Variants in FAM228B observed in about 807,000 individuals in gnomAD.
The protein encoded by FAM228B is protein FAM228B.
Under a neutral mutation model 42.6 loss-of-function variants are expected in FAM228B, and 38 were observed. The ratio of observed to expected loss-of-function variants is 0.89; its 90% CI spans 0.69 to 1.17. FAM228B has a LOEUF of 1.17. FAM228B is among the 50% of genes most tolerant of loss of function. FAM228B has a pLI of 0.00. For missense variants in FAM228B, 344 were observed against 367.3 expected, an observed-to-expected ratio of 0.94 and a Z score of 0.52; for synonymous variants, 109 against 122.3, an observed-to-expected ratio of 0.89 and a Z score of 0.72.
chr2:24,078,949 A>T (rs1033943635), intron 1 of FAM228B: 1 of 157,462 alleles, frequency 6.4e-6, no homozygotes, highest in African/African-American at 2.4e-5. Flanking sequence ...CACAGGTGCA[A>T]TCATAGCTCA....
chr2:24,106,863 A>G (rs745612083), intron 3 of FAM228B, among the ~76,000 whole-genome samples: 2 of 135,370 alleles, frequency 1.5e-5, no homozygotes, highest in African/African-American at 2.8e-5. Context: ...CTATAAATCA[A>G]CCACACTAAC....
At chr2:24,142,872 C>G (rs1666789310) in intron 5 of FAM228B, 1 of 152,166 alleles carries the variant, frequency 6.6e-6, no homozygotes, top group African/African-American at 2.4e-5. Context: ...GAATGTGATT[C>G]TTTGATATTC....
At chr2:24,161,699 G>A (rs553516659) in intron 8 of FAM228B, 86 bp downstream of exon 8, 76 of 851,674 alleles carry the variant, frequency 8.9e-5, no homozygotes, top group Non-Finnish European at 1.0e-4. Flanking sequence ...TCATGTTGCT[G>A]AGACGGTGCT....
chr2:24,090,019 A>G (rs1445717301), intron 2 of FAM228B, among the ~76,000 whole-genome samples: 1 of 151,274 alleles, frequency 6.6e-6, no homozygotes, highest in East Asian at 1.9e-4. Flanking sequence ...CACGCCTGTA[A>G]TCCCAGCACT....
At position 24,084,670 on chromosome 2, in the gene FAM228B, C is replaced by A. The variant is rs1488149068; in HGVS notation, c.-210+3715C>A. The A allele has an allele frequency of 4.7e-6, 1 of 213,484 alleles. No individual in the cohort carries two copies. Among genetic ancestry groups the A allele is most frequent in the Non-Finnish European group, 9.2e-6 (1 of 108,304 alleles). The allele number at this position is 213,484 out of a possible 1,614,324, so 13.2% of individuals were successfully genotyped here. A position where few individuals can be genotyped will look rare whatever the true frequency, so the allele number is the denominator to read the frequency against. Reference sequence around the variant, plus strand: ...CGAAGAGGATCAGGCAAATCACACTCCCTCTGAGTTGGAAGCCCCCAGCCC... The same window carrying A: ...CGAAGAGGATCAGGCAAATCACACTACCTCTGAGTTGGAAGCCCCCAGCCC... On this transcript the variant is annotated intron_variant, in intron 2 of 10. Coordinates refer to the FAM228B transcript ENST00000613899. This position sits in a 1 kb window ranked among gnomAD's most constrained non-coding sequence, Gnocchi z 8.4.
chr2:24,089,410 A>G lies in FAM228B; in HGVS notation c.-209-5731A>G, dbSNP rs374977129. Among the ~76,000 whole-genome samples the G allele has an allele frequency of 5.9e-5, 9 of 152,308 alleles. No individual in the cohort carries two copies. The East Asian group carries it at 1.5e-3, about 26-fold the overall frequency. ...TATGTGAAATTCTACAGCAACAAGT[A>G]GTAAAATCTAGAAAAAAAAAGGAAG... On this transcript the variant is annotated intron_variant, in intron 2 of 10. Coordinates refer to the FAM228B transcript ENST00000613899.
chr2:24,127,755 C>T (rs559203879), intron 2 of FAM228B, among the ~76,000 whole-genome samples: 73 of 152,084 alleles, frequency 4.8e-4, no homozygotes, highest in African/African-American at 1.6e-3. Context: ...CTCCGCCTCC[C>T]GGGTTCAAGC....
Position 24,089,306 on chromosome 2 carries a change from C to T in FAM228B, c.-209-5835C>T, listed in dbSNP as rs547321907. On this transcript the variant is annotated intron_variant, in intron 2 of 10. Coordinates refer to the FAM228B transcript ENST00000613899. Reference sequence around the variant, plus strand: ...GTTACAGCTGGGAAACAAGAAATAGCCAAGGTCTGAAAGACTGGGAATGAG... The same window carrying T: ...GTTACAGCTGGGAAACAAGAAATAGTCAAGGTCTGAAAGACTGGGAATGAG... Among the ~76,000 whole-genome samples the T allele has an allele frequency of 2.6e-5, 4 of 152,074 alleles. No individual in the cohort carries two copies. The East Asian group carries it at 7.7e-4, about 29-fold the overall frequency.
chr2:24,083,634 CTGATG>C (rs1277947657), intron 2 of FAM228B, among the ~76,000 whole-genome samples: 1 of 152,188 alleles, frequency 6.6e-6, no homozygotes, highest in African/African-American at 2.4e-5. Flanking sequence ...CCGGGGGATT[CTGATG>C]CACATTTCTG....
chr2:24,124,507 G>T, intron 2 of FAM228B, 47 bp downstream of exon 2: 1 of 1,225,348 alleles, frequency 8.2e-7, no homozygotes, highest in South Asian at 1.4e-5. Flanking sequence ...TACTTGGATC[G>T]TTGCAGTAGG....
chr2:24,136,847 G>A (rs972041424), intron 3 of FAM228B, among the ~76,000 whole-genome samples: 5 of 152,258 alleles, frequency 3.3e-5, no homozygotes, highest in African/African-American at 1.2e-4. Context: ...ATAATGTTGT[G>A]CAACCATCAC....
In FAM228B at chr2:24,124,369, A is replaced by G. The variant is rs1666246486; in HGVS notation, c.8A>G (p.Asn3Ser). The change falls in exon 2 of 11, where the codon AAT becomes AGT. Residue 3 changes from asparagine to serine, a missense_variant. Transcript: ENST00000615575. MK[N>S]VDSDDLVTGT... ...TTGTTATTTGTGACCACAATGAAAA[A>G]TGTAGACAGTGATGATCTGGTAACT... is the stretch of plus-strand genomic sequence containing the variant. 3.2e-6 allele frequency: 5 copies of G among 1,548,358 alleles called. No individual in the cohort carries two copies. The highest frequency in any genetic ancestry group is 4.4e-6 in the Non-Finnish European group (5 of 1,145,666).
intron 3 of FAM228B, among the ~76,000 whole-genome samples, chr2:24,100,348 A>G (rs1391026762): frequency 6.6e-6 from 1 of 152,254 alleles, no homozygotes; most frequent in Non-Finnish European, 1.5e-5. Context: ...AGAATGGGAG[A>G]AAATTTTTGC....
chr2:24,126,608 A>G (rs925951589), intron 2 of FAM228B, among the ~76,000 whole-genome samples: 2 of 146,474 alleles, frequency 1.4e-5, no homozygotes, highest in Non-Finnish European at 3.0e-5. Flanking sequence ...CATAAGATTC[A>G]CTACTTTTTT....
At chr2:24,079,298 G>T in intron 1 of FAM228B, 1 of 774,044 alleles carries the variant, frequency 1.3e-6, no homozygotes. Flanking sequence ...TCTGAAATCG[G>T]GTTCCCTCTT....
chr2:24,164,090 C>T (rs1299415593), intron 8 of FAM228B, 108 bp from the exon 9 acceptor site: 7 of 1,021,232 alleles, frequency 6.9e-6, no homozygotes, highest in Non-Finnish European at 9.5e-6. Flanking sequence ...CATAAAAATA[C>T]ACAAATTCAC....
intron 2 of FAM228B, among the ~76,000 whole-genome samples, chr2:24,081,882 A>AG (rs1665021331): frequency 6.6e-6 from 1 of 151,966 alleles, no homozygotes; most frequent in Non-Finnish European, 1.5e-5. Flanking sequence ...TTTTTAGTAG[A>AG]GATGAAGTTT....
At chr2:24,091,886 T>TA (rs1302794581) in intron 2 of FAM228B, among the ~76,000 whole-genome samples, 1 of 152,154 alleles carries the variant, frequency 6.6e-6, no homozygotes, top group African/African-American at 2.4e-5. Context: ...AAAGTGGTGT[T>TA]AGAGTGTATG....
intron 5 of FAM228B, among the ~76,000 whole-genome samples, chr2:24,143,437 G>A (rs567103157): frequency 6.6e-5 from 10 of 152,160 alleles, no homozygotes; most frequent in Non-Finnish European, 8.8e-5. Flanking sequence ...CTCGTGATCC[G>A]CCCGCCTTGG....
Sources: gnomAD v4.1 joint callset for allele counts (sites outside exome capture counted in the v4.1 genomes callset) on GRCh38, gnomAD v4.1.1 for gene constraint, Gnocchi (gnomAD v3.1) non-coding constraint, MANE v1.5 for transcripts, NCBI Gene and HGNC (gene_info 2026-07-23, HGNC 2026-07-21) for gene names.